Variants in SLC5A11 observed in about 807,000 individuals in gnomAD.
SLC5A11 encodes the protein solute carrier family 5 member 11, also known as sodium/myo-inositol cotransporter 2.
A neutral mutation model predicts 69.8 loss-of-function variants in SLC5A11; 48 were observed. The ratio of observed to expected loss-of-function variants is 0.69; its 90% CI spans 0.55 to 0.87. The LOEUF (loss-of-function observed/expected upper bound fraction) is 0.87, where lower values mean the gene tolerates loss of function less well. SLC5A11 is among the 40% of genes least tolerant of loss of function. The pLI is 0.00. For synonymous variants in SLC5A11, 319 were observed against 342.4 expected, an observed-to-expected ratio of 0.93 and a Z score of 0.75; for missense variants, 784 against 866.1, an observed-to-expected ratio of 0.91 and a Z score of 1.19.
Position 24,869,171 on chromosome 16 carries a change from C to T in SLC5A11, c.208-730C>T, listed in dbSNP as rs541893969. Among the ~76,000 whole-genome samples, 8 of 152,126 alleles carry T rather than the reference C, an allele frequency of 5.3e-5. 1 individual carries two copies. In the East Asian group the frequency reaches 1.6e-3, roughly 30 times the overall value. ...ACGTGAGCCAGAGCGCCCGGCTGGA[C>T]CTGCCTTTCTTGCAGGTCTCATTCT... is the stretch of plus-strand genomic sequence containing the variant. On this transcript the variant is annotated intron_variant, in intron 3 of 15. Coordinates refer to ENST00000347898, the Ensembl canonical transcript of SLC5A11.
At chr16:24,893,090 G>A (rs2048920227) in intron 9 of SLC5A11, among the ~76,000 whole-genome samples, 1 of 136,362 alleles carries the variant, frequency 7.3e-6, no homozygotes, top group African/African-American at 2.9e-5. Flanking sequence ...GGCCAACATG[G>A]CAAAACCCTG....
chr16:24,893,690 C>A (rs1597224291), intron 9 of SLC5A11, among the ~76,000 whole-genome samples: 1 of 152,246 alleles, frequency 6.6e-6, no homozygotes, highest in East Asian at 1.9e-4. Flanking sequence ...CATGCCTCAG[C>A]CTCCTGAGTA....
Position 24,899,340 on chromosome 16 carries a change from T to C in SLC5A11, c.1006+1231T>C, listed in dbSNP as rs150093611. 3.5e-4 allele frequency among the ~76,000 whole-genome samples: 53 copies of C among 152,324 alleles called. No homozygotes were observed. The East Asian group carries it at 9.4e-3, about 27-fold the overall frequency. On this transcript the variant is annotated intron_variant, in intron 10 of 15. Transcript: ENST00000347898. Reference sequence around the variant, plus strand: ...GTTCTCTGAAGTCTCATGTGAAAGTTTGTCCCTTACTTTAGTGTTTGAGCT... The same window carrying C: ...GTTCTCTGAAGTCTCATGTGAAAGTCTGTCCCTTACTTTAGTGTTTGAGCT...
rs768250691 is a variant in SLC5A11, at chr16:24,907,946, C to G, written c.1266-17C>G. On this transcript the variant is annotated splice_polypyrimidine_tract_variant and intron_variant, in intron 12 of 15. Transcript: ENST00000347898. ...GTTCAGATGATGCTAATTTGTGCCT[C>G]TCGCCGCCGGCACCAGGGTGTTTGT... 2.5e-6 allele frequency: 4 copies of G among 1,613,404 alleles called. No individual in the cohort carries two copies. In the East Asian group the frequency reaches 8.9e-5, roughly 36 times the overall value.
At chr16:24,877,191 T>C in intron 6 of SLC5A11, 67 bp from the exon 8 acceptor site, 3 of 1,592,760 alleles carry the variant, frequency 1.9e-6, no homozygotes, top group Middle Eastern at 1.7e-4. Context: ...AGGGAACCTG[T>C]GCTGCAAATG....
intron 4 of SLC5A11, among the ~76,000 whole-genome samples, chr16:24,871,689 G>A (rs2047314215): frequency 6.6e-6 from 1 of 152,172 alleles, no homozygotes; most frequent in Admixed American, 6.5e-5. Context: ...GGTGCAGAGA[G>A]GCGCCTGGCA....
chr16:24,853,601 C>T (rs983146500), intron 1 of SLC5A11, among the ~76,000 whole-genome samples: 3 of 151,970 alleles, frequency 2.0e-5, no homozygotes, highest in African/African-American at 4.8e-5. Flanking sequence ...GAGAGAAGGG[C>T]GGGAGGAAAG....
intron 8 of SLC5A11, among the ~76,000 whole-genome samples, chr16:24,885,354 A>T (rs1772399654): frequency 6.6e-6 from 1 of 151,466 alleles, no homozygotes; most frequent in South Asian, 2.1e-4. Context: ...AGCCTTAAAG[A>T]CTACAACAAA....
intron 9 of SLC5A11, among the ~76,000 whole-genome samples, chr16:24,897,304 C>T (rs2049251911): frequency 6.6e-6 from 1 of 151,868 alleles, no homozygotes; most frequent in African/African-American, 2.4e-5. Flanking sequence ...GGTTGGATTG[C>T]CTTGGGGACA....
intron 12 of SLC5A11, 136 bp downstream of exon 13, chr16:24,907,311 CAGG>C (rs1047844210): frequency 2.0e-6 from 2 of 979,732 alleles, no homozygotes; most frequent in Non-Finnish European, 3.0e-6. Context: ...TTCATTCATT[CAGG>C]AGATGCTGAA....
At chr16:24,906,045 G>A (rs563996380) in intron 10 of SLC5A11, among the ~76,000 whole-genome samples, 2 of 152,260 alleles carry the variant, frequency 1.3e-5, no homozygotes, top group Admixed American at 6.5e-5. Flanking sequence ...GAGAATCTAC[G>A]TATAGGAAAT....
At chr16:24,910,269 T>G in intron 14 of SLC5A11, 37 bp from the exon 16 acceptor site, 1 of 1,604,248 alleles carries the variant, frequency 6.2e-7, no homozygotes, top group Non-Finnish European at 8.5e-7. Flanking sequence ...CGGCCCCACC[T>G]CCACCACAAA....
intron 8 of SLC5A11, among the ~76,000 whole-genome samples, chr16:24,889,686 T>C (rs1473828436): frequency 6.6e-6 from 1 of 151,176 alleles, no homozygotes; most frequent in East Asian, 1.9e-4. Flanking sequence ...CAGCTGGGAT[T>C]ACAGGCACCC....
At chr16:24,911,118 G>A (rs941736230) in intron 15 of SLC5A11, among the ~76,000 whole-genome samples, 9 of 143,790 alleles carry the variant, frequency 6.3e-5, no homozygotes, top group African/African-American at 1.9e-4. Flanking sequence ...GCAGTGAGCC[G>A]AGATCACGCC....
intron 2 of SLC5A11, among the ~76,000 whole-genome samples, chr16:24,860,310 G>T (rs1280966120): frequency 6.6e-6 from 1 of 151,964 alleles, no homozygotes; most frequent in Non-Finnish European, 1.5e-5. Context: ...AAAAAAATTA[G>T]CCAGACGTGG....
At chr16:24,855,366 C>T (rs879848279) in intron 1 of SLC5A11, among the ~76,000 whole-genome samples, 10 of 145,700 alleles carry the variant, frequency 6.9e-5, no homozygotes, top group South Asian at 6.5e-4. Context: ...CTTTGAGAGG[C>T]GGAGTTGGAG....
At chr16:24,898,008 T>A in exon 10 of SLC5A11, 1 of 1,614,180 alleles carries the variant, frequency 6.2e-7, no homozygotes, top group Non-Finnish European at 8.5e-7. Flanking sequence ...GCCAAGAACC[T>A]GTCCCATGCC....
chr16:24,850,650 G>A (rs1044010014), intron 1 of SLC5A11, among the ~76,000 whole-genome samples: 2 of 152,136 alleles, frequency 1.3e-5, no homozygotes, highest in African/African-American at 4.8e-5. Context: ...TTGGAGCCCT[G>A]CTTCAGTCAT....
chr16:24,863,869 T>C (rs927238421), intron 3 of SLC5A11, among the ~76,000 whole-genome samples: 4 of 152,128 alleles, frequency 2.6e-5, no homozygotes, highest in African/African-American at 9.7e-5. Context: ...GGATTAGAAC[T>C]CTTTCAAAAC....
Sources: allele counts gnomAD v4.1 joint callset (sites outside exome capture counted in the v4.1 genomes callset), GRCh38; gene constraint gnomAD v4.1.1; transcripts MANE v1.5; gene names NCBI Gene and HGNC (gene_info 2026-07-23, HGNC 2026-07-21).